Variants in SEL1L observed in about 807,000 individuals in gnomAD.
SEL1L encodes SEL1L adaptor subunit of SYVN1 ubiquitin ligase, also known as protein sel-1 homolog 1.
A neutral mutation model predicts 109.8 loss-of-function variants in SEL1L; 52 were observed. The observed-to-expected ratio is 0.47, with a 90% confidence interval of 0.38 to 0.60. SEL1L has a LOEUF of 0.60. SEL1L is among the 20% of genes least tolerant of loss of function. The pLI, the probability that SEL1L is intolerant of heterozygous loss-of-function variation, is 0.00. For missense variants in SEL1L, 749 were observed against 962.2 expected (o/e 0.78, Z 2.93); for synonymous variants, 373 against 339.6 (o/e 1.10, Z -1.08).
intron 6 of SEL1L, among the ~76,000 whole-genome samples, chr14:81,500,711 T>C (rs1482171412): frequency 6.6e-6 from 1 of 152,052 alleles, no homozygotes; most frequent in Non-Finnish European, 1.5e-5. Flanking sequence ...AGGAATACAC[T>C]ATGAAAACAG....
At chr14:81,487,602 G>C (rs1903560887) in intron 15 of SEL1L, 64 bp from the exon 16 acceptor site, 5 of 1,553,296 alleles carry the variant, frequency 3.2e-6, no homozygotes, top group Non-Finnish European at 3.5e-6. Context: ...ATCAGAGAAG[G>C]CTTATATATG....
chr14:81,503,925 T>C (rs538698489), intron 5 of SEL1L, among the ~76,000 whole-genome samples: 4 of 152,358 alleles, frequency 2.6e-5, no homozygotes, highest in East Asian at 3.9e-4. Flanking sequence ...CTAAATAGTA[T>C]ATGCATGCTT....
chr14:81,514,045 A>C (rs1387027346), intron 3 of SEL1L, among the ~76,000 whole-genome samples: 2 of 152,182 alleles, frequency 1.3e-5, no homozygotes, highest in Non-Finnish European at 2.9e-5. Flanking sequence ...CTTCTAAAAC[A>C]ACTCCCTGTC....
chr14:81,529,665 C>T (rs567180907), intron 1 of SEL1L, among the ~76,000 whole-genome samples: 28 of 152,336 alleles, frequency 1.8e-4, no homozygotes, highest in African/African-American at 6.3e-4. Flanking sequence ...CTTTCTCTCC[C>T]TCTCTCTTCG....
At chr14:81,514,824 T>G (rs537881209) in intron 3 of SEL1L, among the ~76,000 whole-genome samples, 1 of 152,270 alleles carries the variant, frequency 6.6e-6, no homozygotes, top group East Asian at 1.9e-4. Context: ...GCAGCTCATT[T>G]TTTTCTGCAC....
intron 3 of SEL1L, among the ~76,000 whole-genome samples, chr14:81,526,367 A>G (rs1885113708): frequency 6.6e-6 from 1 of 152,188 alleles, no homozygotes; most frequent in Non-Finnish European, 1.5e-5. Context: ...GAAAATAACC[A>G]TAGTGGCATG....
At chr14:81,493,792 C>G (rs1883636710) in intron 11 of SEL1L, among the ~76,000 whole-genome samples, 1 of 152,226 alleles carries the variant, frequency 6.6e-6, no homozygotes, top group African/African-American at 2.4e-5. Flanking sequence ...CCTCACTCCA[C>G]CTTTCTCTGC....
At position 81,505,929 on chromosome 14, in the gene SEL1L, A is replaced by T. The variant is rs1316911759; in HGVS notation, c.508+145T>A. On this transcript the variant is annotated intron_variant, in intron 4 of 20. Transcript: ENST00000336735. Reference sequence around the variant, plus strand: ...TAAATACACCAAGTTTCCCACTCTTAAGTCCACTCTTTAAGGCTGTAATGA... The same window carrying T: ...TAAATACACCAAGTTTCCCACTCTTTAGTCCACTCTTTAAGGCTGTAATGA... 1.5e-5 allele frequency: 10 copies of T among 672,268 alleles called. No homozygotes were observed. The Admixed American group carries it at 3.0e-4, about 20-fold the overall frequency. The allele number at this position is 672,268 out of a possible 1,614,324, so 41.6% of individuals were successfully genotyped here. A position where few individuals can be genotyped will look rare whatever the true frequency, so the allele number is the denominator to read the frequency against.
At position 81,489,546 on chromosome 14, in the gene SEL1L, G is replaced by A. The variant is rs567633677; in HGVS notation, c.1333-232C>T. On this transcript the variant is annotated intron_variant, in intron 13 of 20. Transcript: ENST00000336735. ...AAAGAGTAAATAGTAAATTCATTTA[G>A]AATTACATTTTGTTGACTTACTTTA... 4.6e-5 allele frequency among the ~76,000 whole-genome samples: 7 copies of A among 152,254 alleles called. No homozygotes were observed. In the East Asian group the frequency reaches 1.2e-3, roughly 25 times the overall value.
chr14:81,509,069 T>G lies in SEL1L; in HGVS notation c.341-2828A>C, dbSNP rs533214827. Among the ~76,000 whole-genome samples, 4 of 152,276 alleles carry G rather than the reference T, an allele frequency of 2.6e-5. No homozygotes were observed. The East Asian group carries it at 5.8e-4, about 22-fold the overall frequency. Reference sequence around the variant, plus strand: ...CAAAATAATTCATTAGTGAAGAAAATTTGTTTCTCTCAGCTACCTTCTCCA... The same window carrying G: ...CAAAATAATTCATTAGTGAAGAAAAGTTGTTTCTCTCAGCTACCTTCTCCA... On this transcript the variant is annotated intron_variant, in intron 3 of 20. Transcript: ENST00000336735.
chr14:81,525,366 C>T (rs1467573957), intron 3 of SEL1L, among the ~76,000 whole-genome samples: 1 of 149,142 alleles, frequency 6.7e-6, no homozygotes. Flanking sequence ...GATCGTGCCA[C>T]TGCACTCCAG....
intron 10 of SEL1L, 116 bp from the exon 11 acceptor site, chr14:81,495,253 C>A: frequency 6.9e-6 from 6 of 874,088 alleles, no homozygotes; most frequent in African/African-American, 3.4e-5. Flanking sequence ...ACTCAAAAAA[C>A]AAAAAGATTT....
chr14:81,506,223 C>T lies in SEL1L; in HGVS notation c.359G>A (p.Gly120Asp). The change falls in exon 4 of 21, where the codon GGC becomes GAC. Residue 120 changes from glycine to aspartate, a missense_variant. Transcript: ENST00000336735. ...VRKPALTAIEGTAHGEPCHFP... is the reference protein window; with the variant it reads ...VRKPALTAIEDTAHGEPCHFP... Reference sequence around the variant, plus strand: ...GTGGCAGGGCTCCCCATGTGCTGTGCCTTCAATGGCGGTCAAAGCTGGAAT... The same window carrying T: ...GTGGCAGGGCTCCCCATGTGCTGTGTCTTCAATGGCGGTCAAAGCTGGAAT... 1 of 1,599,544 alleles carries T rather than the reference C, an allele frequency of 6.3e-7. No individual in the cohort carries two copies. Among genetic ancestry groups the T allele is most frequent in the Non-Finnish European group, 8.5e-7 (1 of 1,174,666 alleles).
chr14:81,499,192 A>T, intron 8 of SEL1L: 3 of 1,171,304 alleles, frequency 2.6e-6, no homozygotes, highest in Non-Finnish European at 3.2e-6. Flanking sequence ...GAGAAAATTT[A>T]AAAAGAGCCA....
At position 81,509,117 on chromosome 14, in the gene SEL1L, T is replaced by G. The variant is rs960853561; in HGVS notation, c.341-2876A>C. Among the ~76,000 whole-genome samples the G allele has an allele frequency of 2.6e-5, 4 of 152,342 alleles. No homozygotes were observed. In the East Asian group the frequency reaches 7.7e-4, roughly 29 times the overall value. On this transcript the variant is annotated intron_variant, in intron 3 of 20. Coordinates refer to ENST00000336735, the MANE Select transcript of SEL1L (RefSeq NM_005065.6). ...CCAAGGGAAATCACAATATGGAAAG[T>G]GTTACTACCTTTTAAACTTGTTCTA...
rs563590356 is a variant in SEL1L, at chr14:81,518,089, T to C, written c.340+8644A>G. On this transcript the variant is annotated intron_variant, in intron 3 of 20. Transcript: ENST00000336735. ...TATATTCTTACCAGAGATGGGGTTTTGCAATATTGGCCAGGCTGGTCTTGA... is the reference window on the plus strand; with the variant it reads ...TATATTCTTACCAGAGATGGGGTTTCGCAATATTGGCCAGGCTGGTCTTGA... Among the ~76,000 whole-genome samples, 20 of 152,012 alleles carry C rather than the reference T, an allele frequency of 1.3e-4. 1 individual carries two copies. In the South Asian group the frequency reaches 2.1e-3, roughly 16 times the overall value.
chr14:81,486,550 C>G lies in SEL1L; in HGVS notation c.1633-96G>C, dbSNP rs961678469. The G allele has an allele frequency of 5.1e-6, 6 of 1,165,284 alleles. No homozygotes were observed. The African/African-American group carries it at 9.2e-5, about 18-fold the overall frequency. The allele number at this position is 1,165,284 out of a possible 1,614,324, so 72.2% of individuals were successfully genotyped here. A position where few individuals can be genotyped will look rare whatever the true frequency, so the allele number is the denominator to read the frequency against. On this transcript the variant is annotated intron_variant, in intron 16 of 20. Transcript: ENST00000336735. ...ACTTTGGTTACACATGACTATTAAG[C>G]TTGCTCCTTCAATTTCTGGCAGCTT...
At chr14:81,478,574 TTTAA>T (rs558967406) in intron 20 of SEL1L, among the ~76,000 whole-genome samples, 31 of 152,272 alleles carry the variant, frequency 2.0e-4, no homozygotes, top group African/African-American at 6.5e-4. Flanking sequence ...ACGATCAGCT[TTTAA>T]TTAAAGGAAC....
intron 12 of SEL1L, 56 bp downstream of exon 12, chr14:81,492,424 C>T: frequency 8.3e-7 from 1 of 1,210,504 alleles, no homozygotes; most frequent in Non-Finnish European, 1.2e-6. Flanking sequence ...ACAATACATG[C>T]TAATTATGCA....
Sources: gnomAD v4.1 joint callset for allele counts (sites outside exome capture counted in the v4.1 genomes callset) on GRCh38, gnomAD v4.1.1 for gene constraint, MANE v1.5 for transcripts, NCBI Gene and HGNC (gene_info 2026-07-23, HGNC 2026-07-21) for gene names.